Variants in PDE10A observed in about 807,000 individuals in gnomAD.
PDE10A encodes phosphodiesterase 10A.
PDE10A carries 39 observed loss-of-function variants against 97.7 expected under a neutral mutation model. That is an observed-to-expected ratio of 0.40 (90% CI 0.31 to 0.52). The LOEUF (loss-of-function observed/expected upper bound fraction) is 0.52, where lower values mean the gene tolerates loss of function less well. Ranked by LOEUF, PDE10A falls within the 20% of genes least tolerant of loss-of-function variation. The pLI is 0.56. For synonymous variants in PDE10A, 371 were observed against 376.8 expected (o/e 0.98, Z 0.18); for missense variants, 731 against 1,047.8 (o/e 0.70, Z 4.17).
intron 3 of PDE10A, among the ~76,000 whole-genome samples, chr6:165,480,427 A>T (rs1224762784): frequency 1.3e-5 from 2 of 150,386 alleles, no homozygotes; most frequent in Admixed American, 6.6e-5. Flanking sequence ...ATCTCTATTT[A>T]AAAAAAAAAT....
chr6:165,533,429 G>A (rs2128316216), intron 2 of PDE10A, among the ~76,000 whole-genome samples: 1 of 152,208 alleles, frequency 6.6e-6, no homozygotes, highest in Non-Finnish European at 1.5e-5. Flanking sequence ...GAATACTGTA[G>A]GTAGCTATAA....
chr6:165,807,503 T>C (rs1779171553), intron 1 of PDE10A, among the ~76,000 whole-genome samples: 1 of 152,114 alleles, frequency 6.6e-6, no homozygotes. Flanking sequence ...AGCAGGTTCG[T>C]CCTGCAGTAG....
intron 1 of PDE10A, among the ~76,000 whole-genome samples, chr6:165,637,643 A>T (rs1290898400): frequency 6.6e-6 from 1 of 152,220 alleles, no homozygotes; most frequent in Non-Finnish European, 1.5e-5. Flanking sequence ...GTTAAGTGGC[A>T]AAAGGTTCTG....
intron 1 of PDE10A, among the ~76,000 whole-genome samples, chr6:165,938,015 C>T (rs918840798): frequency 6.6e-5 from 10 of 152,208 alleles, no homozygotes; most frequent in African/African-American, 2.2e-4. Context: ...CTCTGACAAT[C>T]TCTCCCACTT....
chr6:165,528,858 G>A (rs1782606950), intron 2 of PDE10A, among the ~76,000 whole-genome samples: 1 of 152,136 alleles, frequency 6.6e-6, no homozygotes, highest in Admixed American at 6.5e-5. Flanking sequence ...ACAATATTTT[G>A]CAGGGCTGGG....
At chr6:165,370,125 T>C (rs996033265) in intron 18 of PDE10A, among the ~76,000 whole-genome samples, 3 of 152,018 alleles carry the variant, frequency 2.0e-5, no homozygotes, top group Non-Finnish European at 4.4e-5. Context: ...TGCAAAATCA[T>C]GCCAAAATGT....
intron 1 of PDE10A, among the ~76,000 whole-genome samples, chr6:165,817,653 C>A (rs997123883): frequency 6.6e-6 from 1 of 152,158 alleles, no homozygotes; most frequent in Non-Finnish European, 1.5e-5. Context: ...TCAGTCCCTG[C>A]CATGTCATGT....
chr6:165,705,395 C>T (rs1416383606), intron 1 of PDE10A, among the ~76,000 whole-genome samples: 3 of 152,310 alleles, frequency 2.0e-5, no homozygotes, highest in South Asian at 2.1e-4. Flanking sequence ...ACCCAAAGGA[C>T]GTGGGGCTCA....
intron 1 of PDE10A, among the ~76,000 whole-genome samples, chr6:165,729,098 A>C (rs1426498406): frequency 6.6e-6 from 1 of 151,870 alleles, no homozygotes; most frequent in African/African-American, 2.4e-5. Flanking sequence ...GCTACTTGGG[A>C]GGCTGAGGCA....
intron 2 of PDE10A, among the ~76,000 whole-genome samples, chr6:165,488,365 G>T (rs1378491194): frequency 6.6e-6 from 1 of 152,178 alleles, no homozygotes; most frequent in Non-Finnish European, 1.5e-5. Flanking sequence ...GCGCTAAGGG[G>T]ATTTTATAGT....
chr6:165,370,799 C>T (rs1324611670), intron 18 of PDE10A, among the ~76,000 whole-genome samples: 2 of 150,120 alleles, frequency 1.3e-5, no homozygotes, highest in South Asian at 4.2e-4. Context: ...CGACACCACA[C>T]CTATTCCAAA....
At chr6:165,713,072 A>G (rs1034564904) in intron 1 of PDE10A, among the ~76,000 whole-genome samples, 1 of 152,212 alleles carries the variant, frequency 6.6e-6, no homozygotes, top group South Asian at 2.1e-4. Flanking sequence ...GGCCTTGGTC[A>G]TTACAAAGAG....
chr6:165,399,103 G>C (rs529204404), intron 13 of PDE10A, among the ~76,000 whole-genome samples: 18 of 152,078 alleles, frequency 1.2e-4, no homozygotes, highest in African/African-American at 4.3e-4. Context: ...ATAACAAAAG[G>C]GTCAGGTCAT....
intron 1 of PDE10A, among the ~76,000 whole-genome samples, chr6:165,904,877 G>A (rs973546166): frequency 6.6e-6 from 1 of 152,154 alleles, no homozygotes; most frequent in East Asian, 1.9e-4. Context: ...CACATTCAAA[G>A]ACTTTCACTG....
intron 1 of PDE10A, among the ~76,000 whole-genome samples, chr6:165,603,141 G>C (rs1008701683): frequency 1.3e-5 from 2 of 152,074 alleles, no homozygotes; most frequent in Admixed American, 1.3e-4. Context: ...GCAAGCCACG[G>C]GCATCTTTTA....
intron 1 of PDE10A, among the ~76,000 whole-genome samples, chr6:165,635,149 G>A (rs935757197): frequency 6.6e-6 from 1 of 152,178 alleles, no homozygotes; most frequent in Non-Finnish European, 1.5e-5. Flanking sequence ...CTGAGAGGCA[G>A]CCTAAGGGCT....
intron 1 of PDE10A, among the ~76,000 whole-genome samples, chr6:165,734,199 G>A (rs1411252363): frequency 1.3e-5 from 2 of 152,130 alleles, no homozygotes; most frequent in Non-Finnish European, 2.9e-5. Context: ...ACCTAACATG[G>A]ATCTGAATCC....
intron 1 of PDE10A, among the ~76,000 whole-genome samples, chr6:165,969,341 G>A (rs1480955071): frequency 6.6e-6 from 1 of 152,170 alleles, no homozygotes; most frequent in Non-Finnish European, 1.5e-5. Context: ...ACAGCCTGGA[G>A]GGGGTAGGGA....
chr6:165,939,086 G>A (rs1783430595), intron 1 of PDE10A, among the ~76,000 whole-genome samples: 1 of 152,200 alleles, frequency 6.6e-6, no homozygotes, highest in Non-Finnish European at 1.5e-5. Flanking sequence ...TATACCAGTT[G>A]ACTCAGTAAG....
Sources: allele counts gnomAD v4.1 joint callset (sites outside exome capture counted in the v4.1 genomes callset), GRCh38; gene constraint gnomAD v4.1.1; transcripts MANE v1.5; gene names NCBI Gene and HGNC (gene_info 2026-07-23, HGNC 2026-07-21).